Variants in POLG observed in about 807,000 individuals in gnomAD.
POLG encodes DNA polymerase gamma, catalytic subunit.
A neutral mutation model predicts 155.4 loss-of-function variants in POLG; 110 were observed. The observed-to-expected ratio is 0.71, with a 90% CI of 0.61 to 0.83. The LOEUF (loss-of-function observed/expected upper bound fraction) is 0.83, where lower values mean the gene tolerates loss of function less well. POLG is among the 40% of genes least tolerant of loss of function. The pLI, the probability that POLG is intolerant of heterozygous loss-of-function variation, is 0.00. For synonymous variants in POLG, 701 were observed against 631.5 expected (o/e 1.11, Z -1.65); for missense variants, 1,685 against 1,627.5 (o/e 1.04, Z -0.61).
intron 21 of POLG, chr15:89,317,984 C>T: frequency 3.3e-6 from 1 of 304,970 alleles, no homozygotes; most frequent in Non-Finnish European, 6.3e-6. Flanking sequence ...TTCTGAGTGG[C>T]AGATCAACAT....
rs777021197 is a variant in POLG at position 89,327,208 on chromosome 15, C to A, written c.1392G>T (p.Met464Ile). 1 of 1,614,246 alleles carries A rather than the reference C, an allele frequency of 6.2e-7. No homozygotes were observed. Among genetic ancestry groups the A allele is most frequent in the Non-Finnish European group, 8.5e-7 (1 of 1,180,046 alleles). Residue 464 changes from methionine to isoleucine, a missense_variant, in exon 7 of 23, where the codon ATG becomes ATT. Met to Ile is a conservative substitution (Grantham distance 10). Transcript: ENST00000268124. ...ELQREMKKSL[M>I]DLANDACQLL... The stretch of plus-strand genomic sequence containing the variant: ...GCTGGCAGGCATCATTGGCCAGATC[C>A]ATCAACGACTTCTTCATCTCCCGCT...
At chr15:89,330,019 C>A in intron 3 of POLG, 62 bp downstream of exon 3, 9 of 1,407,360 alleles carry the variant, frequency 6.4e-6, no homozygotes, top group Non-Finnish European at 9.1e-6. Context: ...CCCCTAACCA[C>A]TGAGATTAGG....
Position 89,316,762 on chromosome 15 carries a change from G to A in POLG, c.3709C>T (p.Pro1237Ser), listed in dbSNP as rs1567183056. Residue 1237 changes from proline to serine, a missense_variant, in exon 23 of 23, where the codon CCT becomes TCT. Physicochemically the swap from Pro to Ser is moderately conservative, Grantham distance 74. Around this residue, in one of 3 missense-constraint regions of POLG, gnomAD observed 470 missense variants for 439.9 expected, o/e 1.07. Coordinates refer to ENST00000268124, the MANE Select transcript of POLG (RefSeq NM_002693.3). The stretch of plus-strand genomic sequence containing the variant: ...GCCTCCAGGCAGTGCTATGGTCCAG[G>A]CTGGCTTCGTTTTTCCAAGGAGCCT... Reference protein sequence around the residue: ...TKGSLEKRSQPGP With the variant: ...TKGSLEKRSQSGP The A allele has an allele frequency of 5.6e-6, 9 of 1,612,426 alleles. No homozygotes were observed. Among genetic ancestry groups the A allele is most frequent in the Non-Finnish European group, 7.6e-6 (9 of 1,178,436 alleles).
rs1481477683 is a variant in POLG at position 89,317,369 on chromosome 15, T to G, written c.3643+7A>C. ...TGTGTAATGAGGAACAAATGTGTTG[T>G]GCTCACCCTGGGGAATCCCGTATCT... On this transcript the variant is annotated splice_region_variant and intron_variant, in intron 22 of 22. Transcript: ENST00000268124. 1.2e-6 allele frequency: 2 copies of G among 1,613,848 alleles called. No homozygotes were observed. The highest frequency in any genetic ancestry group is 8.5e-7 in the Non-Finnish European group (1 of 1,179,722).
Position 89,325,664 on chromosome 15 carries a change from G to A in POLG, c.1735C>T (p.Arg579Trp), listed in dbSNP as rs556925652. The A allele has an allele frequency of 9.9e-6, 16 of 1,609,372 alleles. No homozygotes were observed. The highest frequency in any genetic ancestry group is 2.7e-5 in the African/African-American group (2 of 75,018). The change falls in exon 10 of 23, where the codon CGG (arginine) becomes TGG (tryptophan). Residue 579 changes from arginine to tryptophan, a missense_variant. By Grantham distance (101) the Arg-to-Trp change is moderately radical. This residue lies in a region of POLG where 1,210 missense variants were observed against 1,167.1 expected (regional missense o/e 1.04). Coordinates refer to ENST00000268124, the MANE Select transcript of POLG (RefSeq NM_002693.3). ...GGGGTCCATGCAGGGTCGTCTAGCC[G>A]GGGGCAGAGCTTCCGGTACCATCTA... ...HPGWYRKLCP[R>W]LDDPAWTPGP...
rs557650128 is a variant in POLG, at chr15:89,331,088, C to G, written c.660-812G>C. ...GCCCACTCAGCATCAAAGTGAGTGACGAGGCCACGTGTGGACAACACAGCT... is the reference window on the plus strand; with the variant it reads ...GCCCACTCAGCATCAAAGTGAGTGAGGAGGCCACGTGTGGACAACACAGCT... On this transcript the variant is annotated intron_variant, in intron 2 of 22. Coordinates refer to ENST00000268124, the MANE Select transcript of POLG (RefSeq NM_002693.3). 5.3e-5 allele frequency among the ~76,000 whole-genome samples: 8 copies of G among 152,272 alleles called. No homozygotes were observed. In the South Asian group the frequency reaches 8.3e-4, roughly 16 times the overall value.
At chr15:89,326,841 G>C (rs1288358944) in intron 8 of POLG, 71 bp downstream of exon 8, 2 of 1,609,058 alleles carry the variant, frequency 1.2e-6, no homozygotes, top group East Asian at 4.5e-5. Context: ...CCTTTCGAAG[G>C]ACCCCCTCAA....
At chr15:89,319,732 G>C (rs559683790) in intron 18 of POLG, among the ~76,000 whole-genome samples, 2 of 152,266 alleles carry the variant, frequency 1.3e-5, no homozygotes, top group South Asian at 2.1e-4. Flanking sequence ...TCTAGATTTG[G>C]GGGGATAGGG....
In POLG at chr15:89,321,161, C is replaced by T. The variant is rs935602068; in HGVS notation, c.2698G>A (p.Ala900Thr). 6.2e-7 allele frequency: 1 copy of T among 1,614,156 alleles called. No individual in the cohort carries two copies. Among genetic ancestry groups the T allele is most frequent in the African/African-American group, 1.3e-5 (1 of 74,958 alleles). The change falls in exon 17 of 23, where the codon GCT becomes ACT. Residue 900 changes from alanine to threonine, a missense_variant. This residue lies in a region of POLG where 5 missense variants were observed against 20.5 expected (regional missense o/e 0.24). Transcript: ENST00000268124. ...DVDSQELWIA[A>T]VLGDAHFAGM... ...GCAAAGTGGGCGTCTCCAAGCACAGCTGCAATCCACAGCTCTTGGGAGTCC... is the reference window on the plus strand; with the variant it reads ...GCAAAGTGGGCGTCTCCAAGCACAGTTGCAATCCACAGCTCTTGGGAGTCC...
intron 14 of POLG, among the ~76,000 whole-genome samples, chr15:89,322,327 C>T (rs1370028954): frequency 3.3e-5 from 5 of 152,234 alleles, no homozygotes; most frequent in Admixed American, 2.6e-4. Flanking sequence ...CATCCCAACA[C>T]CCACTCTGCT....
rs142563960 is a variant in POLG at position 89,327,636 on chromosome 15, A to G, written c.1251-287T>C. Among the ~76,000 whole-genome samples the G allele has an allele frequency of 0.012, 1,788 of 152,360 alleles. 30 individuals carry two copies. The highest frequency in any genetic ancestry group is 0.014 in the Non-Finnish European group (937 of 68,040). On this transcript the variant is annotated intron_variant, in intron 6 of 22. Transcript: ENST00000268124. ...GAAAATGGCTGCCACACGTGGAGTA[A>G]TGACTCTGTGCCAGGCACTGTGCTA... is the stretch of plus-strand genomic sequence containing the variant.
chr15:89,333,249 C>T lies in POLG; in HGVS notation c.506G>A (p.Trp169Ter). The T allele has an allele frequency of 1.3e-6, 2 of 1,574,072 alleles. No homozygotes were observed. The highest frequency in any genetic ancestry group is 1.8e-5 in the Admixed American group (1 of 56,212). ...QAQLPPKPPA[W>*]AWAEGWTRYG... ...CCGGGTCCAGCCCTCCGCCCAGGCC[C>T]AAGCCGGGGGCTTCGGGGGCAGCTG... Residue 169 changes from tryptophan (W) to a stop codon, truncating the protein, a stop_gained, in exon 2 of 23, where the codon TGG (tryptophan) becomes TAG (stop). Coordinates refer to ENST00000268124, the MANE Select transcript of POLG (RefSeq NM_002693.3). LOFTEE classifies it high-confidence loss of function.
At chr15:89,332,803 C>A (rs2055611872) in intron 2 of POLG, among the ~76,000 whole-genome samples, 1 of 152,134 alleles carries the variant, frequency 6.6e-6, no homozygotes, top group Non-Finnish European at 1.5e-5. Flanking sequence ...GGTAAAGGCA[C>A]CAAATCACCG....
intron 13 of POLG, among the ~76,000 whole-genome samples, 162 bp from the exon 14 acceptor site, chr15:89,323,064 C>T (rs2055420819): frequency 6.6e-6 from 1 of 151,730 alleles, no homozygotes; most frequent in Non-Finnish European, 1.5e-5. Context: ...CGCACGCACA[C>T]ACACACGTGC....
intron 12 of POLG, 118 bp downstream of exon 12, chr15:89,323,697 T>G: frequency 1.1e-6 from 1 of 916,982 alleles, no homozygotes; most frequent in Non-Finnish European, 1.8e-6. Context: ...AGGGGCAGGG[T>G]GGCATCTCCA....
At chr15:89,325,299 G>GGGTGTGTGTGTGT in intron 10 of POLG, 151 bp downstream of exon 10, 75 of 527,276 alleles carry the variant, frequency 1.4e-4, no homozygotes, top group Admixed American at 8.2e-4. Context: ...AGAGAGAGAG[G>GGGTGTGTGTGTGT]GTGTGTGTGT....
rs1555452510 is a variant in POLG at position 89,318,926 on chromosome 15, G to A, written c.3273+5C>T. ...TCTGCCCATGCTCCAAAGGTAGCAA[G>A]ATACCTCTTCCTGGACAGCCGAGGG... On this transcript the variant is annotated splice_donor_5th_base_variant and intron_variant, in intron 20 of 22. Coordinates refer to ENST00000268124, the MANE Select transcript of POLG (RefSeq NM_002693.3). 1.9e-6 allele frequency: 3 copies of A among 1,614,102 alleles called. No individual in the cohort carries two copies. Among genetic ancestry groups the A allele is most frequent in the Middle Eastern group, 1.6e-4 (1 of 6,062 alleles).
At chr15:89,321,927 T>C in intron 15 of POLG, 35 bp downstream of exon 15, 2 of 1,612,126 alleles carry the variant, frequency 1.2e-6, no homozygotes, top group South Asian at 2.2e-5. Flanking sequence ...CTCACCTCAG[T>C]TCTCCTATCC....
chr15:89,330,047 T>C, intron 3 of POLG, 34 bp downstream of exon 3: 1 of 1,564,340 alleles, frequency 6.4e-7, no homozygotes, highest in Admixed American at 1.7e-5. Context: ...GCCCATCCCA[T>C]GCCAGAACCT....
Sources: gnomAD v4.1 joint callset for allele counts (sites outside exome capture counted in the v4.1 genomes callset) on GRCh38, gnomAD v4.1.1 for gene constraint, gnomAD v4.1.1 regional missense constraint, MANE v1.5 for transcripts, NCBI Gene and HGNC (gene_info 2026-07-23, HGNC 2026-07-21) for gene names.